The following INTS4 variants were observed in gnomAD, a reference collection of about 807,000 sequenced individuals.
INTS4 encodes MSTP093.
A neutral mutation model predicts 119.5 loss-of-function variants in INTS4; 70 were observed. The ratio of observed to expected loss-of-function variants is 0.59; its 90% CI spans 0.48 to 0.71. The LOEUF (loss-of-function observed/expected upper bound fraction) is 0.71. INTS4 is among the 30% of genes least tolerant of loss of function. The pLI is 0.00. For missense variants in INTS4, 867 were observed against 1,173.2 expected (o/e 0.74, Z 3.81); for synonymous variants, 316 against 419.6 (o/e 0.75, Z 3.02).
intron 10 of INTS4, among the ~76,000 whole-genome samples, chr11:77,937,929 C>G (rs1272277007): frequency 6.6e-6 from 1 of 152,040 alleles, no homozygotes; most frequent in Admixed American, 6.6e-5. Flanking sequence ...CTCACTGCAA[C>G]CTCTGCCTCC....
At chr11:77,919,033 C>T (rs930754895) in intron 14 of INTS4, 55 bp from the exon 15 acceptor site, 212 of 1,563,738 alleles carry the variant, frequency 1.4e-4, no homozygotes, top group Non-Finnish European at 1.8e-4. Context: ...CTTTTGGTAA[C>T]ACACACACAA....
chr11:77,987,604 G>T, intron 2 of INTS4: 1 of 448,800 alleles, frequency 2.2e-6, no homozygotes, highest in Non-Finnish European at 4.5e-6. Context: ...GGTAGCTCAC[G>T]TCTGTAATCC....
intron 5 of INTS4, among the ~76,000 whole-genome samples, 169 bp downstream of exon 5, chr11:77,960,784 G>A (rs1214440535): frequency 6.6e-6 from 1 of 152,098 alleles, no homozygotes; most frequent in Non-Finnish European, 1.5e-5. Context: ...AGCCAAAAAA[G>A]CACACTTGTA....
chr11:77,991,580 A>G (rs1192084252), intron 1 of INTS4, among the ~76,000 whole-genome samples: 1 of 151,000 alleles, frequency 6.6e-6, no homozygotes, highest in African/African-American at 2.4e-5. Context: ...TTAGAGATGG[A>G]GTCTCTCTAT....
intron 4 of INTS4, chr11:77,978,787 C>T (rs1238368259): frequency 4.5e-5 from 13 of 290,312 alleles, no homozygotes; most frequent in Non-Finnish European, 8.6e-5. Context: ...CATTATTAGG[C>T]ACAATATACA....
chr11:77,960,406 T>C lies in INTS4; in HGVS notation c.658-15A>G, dbSNP rs1273508201. ...TGGAGCTGCAACTAGATAATAAATA[T>C]ATAGTTTAAGTGCTTGGGAGGAAAA... On this transcript the variant is annotated splice_polypyrimidine_tract_variant and intron_variant, in intron 5 of 22. Transcript: ENST00000534064. 4 of 1,563,368 alleles carry C rather than the reference T, an allele frequency of 2.6e-6. No homozygotes were observed. The highest frequency in any genetic ancestry group is 2.7e-5 in the African/African-American group (2 of 73,538).
intron 3 of INTS4, among the ~76,000 whole-genome samples, chr11:77,979,606 G>A (rs1003451483): frequency 6.6e-6 from 1 of 151,024 alleles, no homozygotes; most frequent in Admixed American, 6.6e-5. Context: ...ATAGAGTACA[G>A]TTCTATATAC....
intron 10 of INTS4, among the ~76,000 whole-genome samples, chr11:77,935,433 C>T (rs780435928): frequency 2.0e-5 from 3 of 152,148 alleles, no homozygotes; most frequent in Admixed American, 6.5e-5. Flanking sequence ...GAGAACTACA[C>T]AGAGAGACAG....
chr11:77,905,169 G>A (rs1403186006), intron 16 of INTS4, among the ~76,000 whole-genome samples: 2 of 152,116 alleles, frequency 1.3e-5, no homozygotes, highest in African/African-American at 2.4e-5. Flanking sequence ...TACTTAAGAC[G>A]AAATGGGCTG....
chr11:77,971,158 T>C (rs1471883084), intron 4 of INTS4, among the ~76,000 whole-genome samples: 3 of 152,218 alleles, frequency 2.0e-5, no homozygotes, highest in Non-Finnish European at 4.4e-5. Flanking sequence ...GTTAAGCTTT[T>C]GTGTTGTATG....
chr11:77,968,123 CA>C (rs1855572686), intron 4 of INTS4, among the ~76,000 whole-genome samples: 1 of 152,054 alleles, frequency 6.6e-6, no homozygotes, highest in African/African-American at 2.4e-5. Flanking sequence ...AGAAAAAGTA[CA>C]GTAAAAATAT....
intron 3 of INTS4, among the ~76,000 whole-genome samples, chr11:77,981,231 T>C (rs1366407019): frequency 1.4e-5 from 2 of 144,876 alleles, no homozygotes; most frequent in African/African-American, 2.5e-5. Flanking sequence ...GTCTATATCA[T>C]ATGTAAACTA....
chr11:77,891,753 A>G lies in INTS4; in HGVS notation c.2376T>C (p.Pro792=). 1 of 1,612,030 alleles carries G rather than the reference A, an allele frequency of 6.2e-7. No individual in the cohort carries two copies. The change falls in exon 20 of 23, where the codon CCT becomes CCC. Residue 792 remains proline (P), a synonymous_variant. Transcript: ENST00000534064. ...DLMPRLMTSK[P]AEVVKILQTM... is the part of the protein sequence containing the mutation. ...TCTGTAGAATTTTGACCACTTCTGC[A>G]GGTTTGGATGTCATGAGTCGGGGCA...
At chr11:77,947,856 T>TC (rs1591092595) in intron 8 of INTS4, among the ~76,000 whole-genome samples, 1 of 152,116 alleles carries the variant, frequency 6.6e-6, no homozygotes, top group African/African-American at 2.4e-5. Flanking sequence ...ACTTTTTTTT[T>TC]CCCCCTTGAG....
At chr11:77,935,036 C>T (rs1271803224) in intron 10 of INTS4, among the ~76,000 whole-genome samples, 2 of 152,158 alleles carry the variant, frequency 1.3e-5, no homozygotes, top group Non-Finnish European at 2.9e-5. Context: ...AGGTCTGTTA[C>T]CCTTGCTGAT....
chr11:77,955,098 GGGAGGCCAAGGCAGAA>G (rs1458600320), intron 8 of INTS4, among the ~76,000 whole-genome samples: 1 of 152,018 alleles, frequency 6.6e-6, no homozygotes, highest in Non-Finnish European at 1.5e-5. Context: ...CCAACAATTT[GGGAGGCCAAGGCAGAA>G]GGATCACTTG....
chr11:77,916,619 G>A (rs187495782), intron 15 of INTS4, among the ~76,000 whole-genome samples: 5 of 152,326 alleles, frequency 3.3e-5, no homozygotes, highest in Admixed American at 2.0e-4. Context: ...AGTTCTGGGA[G>A]GCTGTTCTCC....
chr11:77,881,250 T>A (rs1300669530), intron 22 of INTS4, among the ~76,000 whole-genome samples: 1 of 152,176 alleles, frequency 6.6e-6, no homozygotes, highest in South Asian at 2.1e-4. Flanking sequence ...TTTCTCAGGA[T>A]CACACAGCAA....
intron 11 of INTS4, among the ~76,000 whole-genome samples, chr11:77,926,203 A>T (rs1953495458): frequency 6.6e-6 from 1 of 151,460 alleles, no homozygotes; most frequent in Admixed American, 6.6e-5. Context: ...AAAAAAAGGC[A>T]AATTCCAGCT....
Sources: gnomAD v4.1 joint callset for allele counts (sites outside exome capture counted in the v4.1 genomes callset) on GRCh38, gnomAD v4.1.1 for gene constraint, MANE v1.5 for transcripts, NCBI Gene and HGNC (gene_info 2026-07-23, HGNC 2026-07-21) for gene names.